The following ATG7 variants were observed in gnomAD, a reference collection of about 807,000 sequenced individuals.
ATG7 encodes the protein ubiquitin-like modifier-activating enzyme ATG7.
A neutral mutation model predicts 82.4 loss-of-function variants in ATG7; 70 were observed. The observed-to-expected ratio is 0.85, with a 90% CI of 0.70 to 1.04. The LOEUF (loss-of-function observed/expected upper bound fraction) is 1.04, where lower values mean the gene tolerates loss of function less well. Among genes scored for constraint, ATG7 ranks in the 50% least tolerant of loss-of-function variants. ATG7 has a pLI of 0.00. For missense variants in ATG7, 792 were observed against 864.3 expected, an observed-to-expected ratio of 0.92 and a Z score of 1.05; for synonymous variants, 287 against 313.0, an observed-to-expected ratio of 0.92 and a Z score of 0.88.
At chr3:11,560,513 G>A (rs1247735953), downstream of ATG7, among the ~76,000 whole-genome samples, 3 of 152,172 alleles carry the variant, frequency 2.0e-5, no homozygotes, top group Non-Finnish European at 4.4e-5. Flanking sequence ...AGTTAGAGCA[G>A]TAGCTGGTAT....
intron 9 of ATG7, among the ~76,000 whole-genome samples, chr3:11,327,060 C>T (rs1328875302): frequency 1.3e-5 from 2 of 152,188 alleles, no homozygotes; most frequent in Non-Finnish European, 2.9e-5. Context: ...AGGATCCCTG[C>T]TCAAGATCTT....
chr3:11,534,077 TC>T (rs951707010), intron 20 of ATG7, among the ~76,000 whole-genome samples: 13 of 151,014 alleles, frequency 8.6e-5, no homozygotes, highest in Non-Finnish European at 1.5e-4. Flanking sequence ...AGCCTCCTCC[TC>T]CCCCCCCAGG....
intron 20 of ATG7, among the ~76,000 whole-genome samples, chr3:11,475,901 ACACACACC>A (rs924190086): frequency 1.3e-4 from 20 of 150,738 alleles, no homozygotes; most frequent in South Asian, 4.3e-4. Flanking sequence ...ACACACACAC[ACACACACC>A]CCCTCCCAGA....
chr3:11,402,850 C>T (rs766414678), intron 19 of ATG7, among the ~76,000 whole-genome samples: 15 of 152,086 alleles, frequency 9.9e-5, no homozygotes, highest in Non-Finnish European at 1.6e-4. Context: ...CAATCGACGT[C>T]AACAATTACC....
chr3:11,302,478 G>A (rs1391340672), intron 5 of ATG7, among the ~76,000 whole-genome samples: 1 of 152,192 alleles, frequency 6.6e-6, no homozygotes. Context: ...ATTTATCAAA[G>A]AAGGAATATC....
intron 20 of ATG7, among the ~76,000 whole-genome samples, chr3:11,440,674 CTTTTTTTT>C (rs72177700): frequency 9.6e-4 from 38 of 39,492 alleles, no homozygotes; most frequent in African/African-American, 3.5e-3. Flanking sequence ...TCCCCATTTG[CTTTTTTTT>C]TTTTTTTTTT....
At chr3:11,529,430 A>AG (rs1228378509) in intron 20 of ATG7, 1 of 152,414 alleles carries the variant, frequency 6.6e-6, no homozygotes, top group Non-Finnish European at 1.5e-5. Context: ...CTTCAAACAG[A>AG]GAATTGTTTT....
intron 20 of ATG7, among the ~76,000 whole-genome samples, chr3:11,545,957 A>AGG (rs1265301333): frequency 6.6e-6 from 1 of 152,016 alleles, no homozygotes; most frequent in Non-Finnish European, 1.5e-5. Context: ...TGGGCAACAT[A>AGG]GGGAGACCCC....
chr3:11,370,446 G>A (rs535860149), intron 18 of ATG7, among the ~76,000 whole-genome samples: 2 of 151,274 alleles, frequency 1.3e-5, no homozygotes, highest in South Asian at 4.2e-4. Flanking sequence ...CTCCATTTTG[G>A]CATTGAACTT....
intron 1 of ATG7, among the ~76,000 whole-genome samples, chr3:11,276,540 T>TAG (rs112421964): frequency 0.02 from 2,986 of 152,238 alleles, 103 homozygotes; most frequent in East Asian, 0.065. Context: ...TTCCTGTACT[T>TAG]CCCTAAGTCA....
At chr3:11,353,729 A>C (rs1211351464) in intron 14 of ATG7, among the ~76,000 whole-genome samples, 1 of 152,222 alleles carries the variant, frequency 6.6e-6, no homozygotes, top group Admixed American at 6.5e-5. Flanking sequence ...CATGTGATGC[A>C]TCTGATCCCC....
At position 11,364,744 on chromosome 3, in the gene ATG7, G is replaced by A. The variant is rs774084783; in HGVS notation, c.1875+10G>A. 5.6e-6 allele frequency: 9 copies of A among 1,613,768 alleles called. No homozygotes were observed. Among genetic ancestry groups the A allele is most frequent in the Non-Finnish European group, 7.6e-6 (9 of 1,179,800 alleles). Reference sequence around the variant, plus strand: ...GCTTGTGCCTCACCAGGTTAGTGATGTGGAAGTGAAATCACAATTCTTTTG... The same window carrying A: ...GCTTGTGCCTCACCAGGTTAGTGATATGGAAGTGAAATCACAATTCTTTTG... On this transcript the variant is annotated intron_variant, in intron 18 of 20. Coordinates refer to ENST00000693202, the MANE Select transcript of ATG7 (RefSeq NM_001349232.2).
chr3:11,444,571 T>C (rs2084336441), intron 20 of ATG7, among the ~76,000 whole-genome samples: 1 of 152,244 alleles, frequency 6.6e-6, no homozygotes, highest in Non-Finnish European at 1.5e-5. Context: ...ATGCCTCTTC[T>C]GGACCATGGA....
chr3:11,427,253 A>C (rs935440668), intron 20 of ATG7, among the ~76,000 whole-genome samples: 1 of 152,158 alleles, frequency 6.6e-6, no homozygotes, highest in African/African-American at 2.4e-5. Context: ...TAATGTCCAT[A>C]TATCAAAATG....
At chr3:11,568,629 C>A in the ATG7 span, 1 of 1,569,720 alleles carries the variant, frequency 6.4e-7, no homozygotes, top group East Asian at 2.3e-5. The surrounding 1 kb of genome is among the most constrained non-coding windows in gnomAD (Gnocchi z 5.9). Flanking sequence ...TTCCTGGTTC[C>A]CGGAGCTTCA....
At chr3:11,396,425 C>G (rs941817543) in intron 19 of ATG7, among the ~76,000 whole-genome samples, 1 of 151,624 alleles carries the variant, frequency 6.6e-6, no homozygotes, top group Non-Finnish European at 1.5e-5. Flanking sequence ...AGCAACAGAG[C>G]GAGACTGTCC....
At chr3:11,362,504 T>A (rs920554267) in intron 16 of ATG7, among the ~76,000 whole-genome samples, 5 of 152,174 alleles carry the variant, frequency 3.3e-5, no homozygotes, top group African/African-American at 1.2e-4. Context: ...CTGAATTGAG[T>A]CACTTAAAGG....
chr3:11,374,693 C>G (rs1350151089), intron 18 of ATG7, among the ~76,000 whole-genome samples: 1 of 152,018 alleles, frequency 6.6e-6, no homozygotes, highest in African/African-American at 2.4e-5. Context: ...ATCGTGAGGT[C>G]AGGAGATTGA....
Position 11,360,658 on chromosome 3 carries a change from A to T in ATG7, c.1557A>T (p.Gly519=). ...RHGLKKPKQQ[G]AGDLCPNHPV... is the part of the protein sequence containing the mutation. ...GTCTGAAGAAACCAAAGCAGCAAGG[A>T]GCTGGGGACTTGTGTCCAAACCACC... Residue 519 remains glycine (G), a synonymous_variant, in exon 16 of 21, where the codon GGA becomes GGT. Coordinates refer to ENST00000693202, the MANE Select transcript of ATG7 (RefSeq NM_001349232.2). 6.2e-7 allele frequency: 1 copy of T among 1,614,146 alleles called. No individual in the cohort carries two copies. Among genetic ancestry groups the T allele is most frequent in the Non-Finnish European group, 8.5e-7 (1 of 1,180,020 alleles).
Sources: allele counts gnomAD v4.1 joint callset (sites outside exome capture counted in the v4.1 genomes callset), GRCh38; gene constraint gnomAD v4.1.1; non-coding constraint Gnocchi (gnomAD v3.1); transcripts MANE v1.5; gene names NCBI Gene and HGNC (gene_info 2026-07-23, HGNC 2026-07-21).